The following PTPRM variants were observed in gnomAD, a reference collection of about 807,000 sequenced individuals.
The protein encoded by PTPRM is receptor-type tyrosine-protein phosphatase mu.
Under a neutral mutation model 186.7 loss-of-function variants are expected in PTPRM, and 47 were observed. That is an observed-to-expected ratio of 0.25 (90% confidence interval 0.20 to 0.32). The LOEUF is 0.32. PTPRM is among the 10% of genes least tolerant of loss of function. The pLI is 1.00. For missense variants in PTPRM, 1,494 were observed against 1,865.0 expected (o/e 0.80, Z 3.66); for synonymous variants, 668 against 674.9 (o/e 0.99, Z 0.16).
intron 7 of PTPRM, among the ~76,000 whole-genome samples, chr18:7,984,274 T>C (rs1458993596): frequency 2.0e-5 from 3 of 152,000 alleles, no homozygotes; most frequent in African/African-American, 7.3e-5. Flanking sequence ...ATCCTCGTAA[T>C]GATTGCAAGA....
chr18:7,797,032 A>G (rs1299116009), intron 2 of PTPRM, among the ~76,000 whole-genome samples: 1 of 152,182 alleles, frequency 6.6e-6, no homozygotes, highest in Non-Finnish European at 1.5e-5. Context: ...TCAGTGCTTC[A>G]TGATGCCACG....
chr18:8,185,022 T>A (rs1291984405), intron 14 of PTPRM, among the ~76,000 whole-genome samples: 1 of 152,208 alleles, frequency 6.6e-6, no homozygotes, highest in East Asian at 1.9e-4. Flanking sequence ...TTTCTTTTTT[T>A]AAGAGTAATA....
chr18:7,884,317 A>G (rs1374114168), intron 2 of PTPRM, among the ~76,000 whole-genome samples: 1 of 152,176 alleles, frequency 6.6e-6, no homozygotes, highest in East Asian at 1.9e-4. Context: ...AGATACACCA[A>G]TTGGGAGACT....
chr18:8,003,398 G>A (rs756209219), intron 7 of PTPRM, among the ~76,000 whole-genome samples: 1 of 152,162 alleles, frequency 6.6e-6, no homozygotes, highest in Non-Finnish European at 1.5e-5. Flanking sequence ...CCAGTCTTGG[G>A]TATATGTTTA....
intron 1 of PTPRM, among the ~76,000 whole-genome samples, chr18:7,635,026 T>A (rs576541283): frequency 1.3e-5 from 2 of 152,156 alleles, no homozygotes; most frequent in Non-Finnish European, 1.5e-5. Context: ...ACTAAATTTG[T>A]CCTACCAGAA....
intron 7 of PTPRM, among the ~76,000 whole-genome samples, chr18:8,030,585 T>C (rs147437047): frequency 6.6e-6 from 1 of 152,384 alleles, no homozygotes; most frequent in African/African-American, 2.4e-5. Flanking sequence ...GTATAATACA[T>C]TTTGAAATAT....
chr18:7,953,905 C>T (rs112750737), intron 6 of PTPRM, among the ~76,000 whole-genome samples: 17 of 151,996 alleles, frequency 1.1e-4, no homozygotes, highest in African/African-American at 3.1e-4. Flanking sequence ...TTTATTTTTC[C>T]GTGCATTTGT....
chr18:8,353,795 C>T (rs1039874757), intron 23 of PTPRM, among the ~76,000 whole-genome samples: 3 of 152,188 alleles, frequency 2.0e-5, no homozygotes, highest in Non-Finnish European at 2.9e-5. Context: ...CAGAAACAAA[C>T]TATGAAATAT....
chr18:7,839,841 A>C (rs1441378967), intron 2 of PTPRM, among the ~76,000 whole-genome samples: 1 of 152,024 alleles, frequency 6.6e-6, no homozygotes, highest in Non-Finnish European at 1.5e-5. Context: ...CTTGAGAGGC[A>C]TGTGGGAGTT....
At chr18:7,756,058 A>G (rs747434931) in intron 1 of PTPRM, among the ~76,000 whole-genome samples, 12 of 152,182 alleles carry the variant, frequency 7.9e-5, no homozygotes, top group Non-Finnish European at 1.6e-4. Context: ...GGAACAGTAG[A>G]TACTGTTCCA....
intron 4 of PTPRM, among the ~76,000 whole-genome samples, chr18:7,921,454 C>G (rs2146735765): frequency 6.6e-6 from 1 of 151,072 alleles, no homozygotes; most frequent in East Asian, 2.0e-4. Context: ...AACCTTGGCT[C>G]ACTGCAAGCT....
At chr18:8,330,657 T>A (rs1454853073) in intron 22 of PTPRM, among the ~76,000 whole-genome samples, 1 of 2,432 alleles carries the variant, frequency 4.1e-4, no homozygotes, top group African/African-American at 4.3e-4. Flanking sequence ...TGCCGTTCAT[T>A]TTTTTTTTTT....
At chr18:8,291,180 G>A (rs980290589) in intron 19 of PTPRM, among the ~76,000 whole-genome samples, 28 of 152,252 alleles carry the variant, frequency 1.8e-4, no homozygotes, top group African/African-American at 5.5e-4. Flanking sequence ...TTATGCCTGA[G>A]CTTTGGTCGA....
chr18:8,348,608 G>A (rs565775716), intron 23 of PTPRM, among the ~76,000 whole-genome samples: 5 of 152,206 alleles, frequency 3.3e-5, no homozygotes, highest in East Asian at 3.9e-4. Flanking sequence ...TAATCCAGTC[G>A]CCTGTTTCCC....
intron 32 of PTPRM, among the ~76,000 whole-genome samples, chr18:8,400,297 G>A (rs1228757142): frequency 1.3e-5 from 2 of 152,228 alleles, no homozygotes; most frequent in Non-Finnish European, 2.9e-5. Context: ...CAGGGGCCTG[G>A]CTGCAGCAGC....
At chr18:7,698,838 T>C (rs1293957285) in intron 1 of PTPRM, among the ~76,000 whole-genome samples, 2 of 152,264 alleles carry the variant, frequency 1.3e-5, no homozygotes, top group Non-Finnish European at 2.9e-5. Flanking sequence ...AATTCCCTGA[T>C]GACTAGTGAA....
chr18:7,984,950 T>TATAATTATATATAC (rs1228291804), intron 7 of PTPRM, among the ~76,000 whole-genome samples: 93 of 124,484 alleles, frequency 7.5e-4, no homozygotes, highest in African/African-American at 1.6e-3. Context: ...TATATATACA[T>TATAATTATATATAC]ATATAATTAT....
intron 11 of PTPRM, among the ~76,000 whole-genome samples, chr18:8,103,893 C>T (rs77297776): frequency 0.053 from 8,059 of 152,248 alleles, 253 homozygotes; most frequent in Middle Eastern, 0.2. Flanking sequence ...CTCTTCCTTT[C>T]ACTTGAATAC....
rs900598910 is a variant in PTPRM at position 8,165,049 on chromosome 18, A to G, written c.2300+21270A>G. ...CTGAGTACGGTGGCACACACCTGTA[A>G]TCCCAGCTACTCGGGAGGCTGAGGC... On this transcript the variant is annotated intron_variant, in intron 14 of 32. Coordinates refer to ENST00000580170, the MANE Select transcript of PTPRM (RefSeq NM_001105244.2). 2.6e-5 allele frequency among the ~76,000 whole-genome samples: 4 copies of G among 151,792 alleles called. No homozygotes were observed. In the South Asian group the frequency reaches 8.3e-4, roughly 32 times the overall value.
Sources: gnomAD v4.1 joint callset for allele counts (sites outside exome capture counted in the v4.1 genomes callset) on GRCh38, gnomAD v4.1.1 for gene constraint, MANE v1.5 for transcripts, NCBI Gene and HGNC (gene_info 2026-07-23, HGNC 2026-07-21) for gene names.